SPOCK3: variants seen among roughly 807,000 people sequenced by gnomAD.
SPOCK3 encodes the protein testican-3.
In SPOCK3, 30 loss-of-function variants were observed where a neutral mutation model predicts 56.6. That is an observed-to-expected ratio of 0.53 (90% CI 0.40 to 0.72). The LOEUF (loss-of-function observed/expected upper bound fraction) is 0.72, where lower values mean the gene tolerates loss of function less well. Ranked by LOEUF, SPOCK3 falls within the 30% of genes least tolerant of loss-of-function variation. SPOCK3 has a pLI of 0.00. For synonymous variants in SPOCK3, 196 were observed against 183.3 expected (o/e 1.07, Z -0.56); for missense variants, 527 against 530.0 (o/e 0.99, Z 0.06).
chr4:166,831,724 A>G (rs1236187798), intron 6 of SPOCK3, among the ~76,000 whole-genome samples: 1 of 147,194 alleles, frequency 6.8e-6, no homozygotes, highest in Non-Finnish European at 1.5e-5. Context: ...TTTTTCGAAA[A>G]CATCTTTCGG....
chr4:166,857,937 A>T (rs1465646421), intron 6 of SPOCK3, among the ~76,000 whole-genome samples: 3 of 152,188 alleles, frequency 2.0e-5, no homozygotes, highest in Non-Finnish European at 4.4e-5. Flanking sequence ...AATGGAATAA[A>T]TTCTCCTCAA....
At chr4:167,080,882 T>C (rs1293744682) in intron 2 of SPOCK3, among the ~76,000 whole-genome samples, 26 of 148,908 alleles carry the variant, frequency 1.7e-4, no homozygotes, top group South Asian at 1.3e-3. Flanking sequence ...TTCTTTCTTT[T>C]TTTTTTTTTT....
chr4:167,052,900 A>G (rs1321704243), intron 3 of SPOCK3, among the ~76,000 whole-genome samples: 1 of 152,218 alleles, frequency 6.6e-6, no homozygotes, highest in African/African-American at 2.4e-5. Context: ...AGAGGAAGCT[A>G]AGTTAGGAGT....
At chr4:167,087,683 A>G (rs967852779) in intron 2 of SPOCK3, among the ~76,000 whole-genome samples, 1 of 152,138 alleles carries the variant, frequency 6.6e-6, no homozygotes, top group Non-Finnish European at 1.5e-5. Context: ...AAGTTATTGA[A>G]TTTATTTCAA....
intron 2 of SPOCK3, among the ~76,000 whole-genome samples, chr4:167,106,163 G>A (rs1374180358): frequency 6.6e-6 from 1 of 151,852 alleles, no homozygotes; most frequent in Non-Finnish European, 1.5e-5. Context: ...TCATCCAACA[G>A]CTTGGAAATA....
At chr4:167,173,772 AAGG>A (rs1350273734) in intron 2 of SPOCK3, among the ~76,000 whole-genome samples, 2 of 149,774 alleles carry the variant, frequency 1.3e-5, no homozygotes, top group Non-Finnish European at 2.9e-5. Context: ...GACAAAAAAG[AAGG>A]AGGAGGATGA....
chr4:166,964,112 T>C (rs961529721), intron 4 of SPOCK3, among the ~76,000 whole-genome samples: 1 of 151,662 alleles, frequency 6.6e-6, no homozygotes, highest in African/African-American at 2.4e-5. Context: ...GGTGAATATA[T>C]ACTAGATGAT....
chr4:166,825,519 A>T (rs1391696040), intron 6 of SPOCK3, among the ~76,000 whole-genome samples: 1 of 152,122 alleles, frequency 6.6e-6, no homozygotes, highest in East Asian at 1.9e-4. Context: ...CAGTCAATCT[A>T]GCAATCCCAC....
intron 4 of SPOCK3, among the ~76,000 whole-genome samples, chr4:166,926,485 A>G (rs930400062): frequency 1.9e-4 from 29 of 152,000 alleles, no homozygotes; most frequent in Admixed American, 1.4e-3. Context: ...AAATAATTCA[A>G]TGGGAAGGTT....
At chr4:166,907,943 CACA>C (rs1446169150) in intron 5 of SPOCK3, among the ~76,000 whole-genome samples, 2 of 151,848 alleles carry the variant, frequency 1.3e-5, no homozygotes, top group African/African-American at 4.8e-5. Context: ...AGAAAGAGTG[CACA>C]TCCATTTCTG....
chr4:167,020,626 C>A (rs902120989), intron 3 of SPOCK3, among the ~76,000 whole-genome samples: 1 of 151,906 alleles, frequency 6.6e-6, no homozygotes, highest in African/African-American at 2.4e-5. Context: ...GCAAGAGGAC[C>A]CTTACCAGAT....
chr4:166,940,669 C>T (rs1020148232), intron 4 of SPOCK3, among the ~76,000 whole-genome samples: 10 of 150,890 alleles, frequency 6.6e-5, no homozygotes, highest in African/African-American at 2.4e-4. Context: ...TATGAACAAG[C>T]TTGTACAGCT....
chr4:166,997,439 T>G (rs923208549), intron 4 of SPOCK3, among the ~76,000 whole-genome samples: 1 of 152,188 alleles, frequency 6.6e-6, no homozygotes, highest in Admixed American at 6.6e-5. Context: ...TAATTCATTT[T>G]CAGCAAATAT....
chr4:166,841,015 T>C (rs1190723960), intron 6 of SPOCK3, among the ~76,000 whole-genome samples: 24 of 151,834 alleles, frequency 1.6e-4, no homozygotes, highest in East Asian at 1.9e-4. Flanking sequence ...CCTGACCTCA[T>C]GATCCGCCAG....
intron 6 of SPOCK3, among the ~76,000 whole-genome samples, chr4:166,820,389 G>GT (rs1237662586): frequency 6.6e-6 from 1 of 151,902 alleles, no homozygotes; most frequent in Admixed American, 6.6e-5. Context: ...AACAGTAGAG[G>GT]TTTATACAGA....
intron 5 of SPOCK3, among the ~76,000 whole-genome samples, chr4:166,890,763 T>A (rs1026835080): frequency 6.6e-6 from 1 of 152,030 alleles, no homozygotes; most frequent in African/African-American, 2.4e-5. Context: ...CAGATGTCTA[T>A]TAGGTCCGCT....
rs113278564 is a variant in SPOCK3, at chr4:167,153,169, G to A, written c.189+80816C>T. On this transcript the variant is annotated intron_variant, in intron 2 of 10. Transcript: ENST00000357545. The stretch of plus-strand genomic sequence containing the variant: ...CTAAGGTTACCACCACATATGGTTA[G>A]TATGTGTGATTGGGCTTTGACTGAA... 2.0e-3 allele frequency among the ~76,000 whole-genome samples: 312 copies of A among 152,282 alleles called. 1 individual carries two copies. Among genetic ancestry groups the A allele is most frequent in the African/African-American group, 7.2e-3 (298 of 41,570 alleles).
At chr4:167,152,734 C>T (rs1764523449) in intron 2 of SPOCK3, among the ~76,000 whole-genome samples, 1 of 152,096 alleles carries the variant, frequency 6.6e-6, no homozygotes, top group Admixed American at 6.6e-5. Context: ...AAAAGTTCAA[C>T]AAAACAAATA....
intron 8 of SPOCK3, among the ~76,000 whole-genome samples, chr4:166,744,745 A>G (rs989529751): frequency 6.6e-6 from 1 of 152,170 alleles, no homozygotes; most frequent in Non-Finnish European, 1.5e-5. Context: ...TTGAAAAAAG[A>G]TTAGACAAAT....
Sources: allele counts gnomAD v4.1 joint callset (sites outside exome capture counted in the v4.1 genomes callset), GRCh38; gene constraint gnomAD v4.1.1; transcripts MANE v1.5; gene names NCBI Gene and HGNC (gene_info 2026-07-23, HGNC 2026-07-21).